Variants in WASL observed in about 807,000 individuals in gnomAD.
WASL encodes the protein WASP like actin nucleation promoting factor, also known as actin nucleation-promoting factor WASL.
WASL carries 20 observed loss-of-function variants against 55.5 expected under a neutral mutation model. The ratio of observed to expected loss-of-function variants is 0.36; its 90% CI spans 0.25 to 0.52. The LOEUF is 0.52. WASL is among the 20% of genes least tolerant of loss of function. The probability of loss-of-function intolerance (pLI) is 0.92; values close to 1 mark genes in which losing one functional copy is unlikely to be tolerated. For synonymous variants in WASL, 249 were observed against 217.6 expected, an observed-to-expected ratio of 1.14 and a Z score of -1.27; for missense variants, 504 against 622.5, an observed-to-expected ratio of 0.81 and a Z score of 2.03.
intron 8 of WASL, 60 bp from the exon 9 acceptor site, chr7:123,692,927 A>G: frequency 7.5e-7 from 1 of 1,326,308 alleles, no homozygotes; most frequent in Non-Finnish European, 9.6e-7. Context: ...CATCATATTG[A>G]AAAGTAATTC....
intron 9 of WASL, among the ~76,000 whole-genome samples, chr7:123,691,615 A>G (rs1165961589): frequency 6.6e-6 from 1 of 152,154 alleles, no homozygotes; most frequent in Non-Finnish European, 1.5e-5. Flanking sequence ...TACTGCCTAT[A>G]TAAGCCCAAG....
In WASL at chr7:123,694,721, T is replaced by G. The variant is rs1397983541; in HGVS notation, c.820A>C (p.Arg274=). 1 of 1,612,460 alleles carries G rather than the reference T, an allele frequency of 6.2e-7. No individual in the cohort carries two copies. The highest frequency in any genetic ancestry group is 1.3e-5 in the African/African-American group (1 of 74,846). ...GVEAVKNELR[R]QAPPPPPPSR... ...GAATAGAGATAAAAGTTACCTTGCCTCCGCAGTTCATTTTTAACAGCTTCA... is the reference window on the plus strand; with the variant it reads ...GAATAGAGATAAAAGTTACCTTGCCGCCGCAGTTCATTTTTAACAGCTTCA... The change falls in exon 8 of 11, where the codon AGG becomes CGG. Residue 274 remains arginine, a synonymous_variant. Coordinates refer to ENST00000223023, the MANE Select transcript of WASL (RefSeq NM_003941.4).
At chr7:123,733,459 GACT>G (rs1051821932) in intron 1 of WASL, among the ~76,000 whole-genome samples, 1 of 152,012 alleles carries the variant, frequency 6.6e-6, no homozygotes, top group African/African-American at 2.4e-5. Flanking sequence ...AGATCTATAT[GACT>G]ACAAAATTTT....
chr7:123,684,219 T>C lies in WASL; in HGVS notation c.*300A>G, dbSNP rs181689874. 1 of 159,710 alleles carries C rather than the reference T, an allele frequency of 6.3e-6. No homozygotes were observed. The highest frequency in any genetic ancestry group is 6.5e-5 in the Admixed American group (1 of 15,486). 9.9% of individuals were successfully genotyped at this position (159,710 alleles called of 1,614,324 possible). A position where few individuals can be genotyped will look rare whatever the true frequency, so the allele number is the denominator to read the frequency against. ...TTATAAGTAAATTACATTAAGGTTT[T>C]TGTCAGTCTCACATATAGTATTTAA... is the stretch of plus-strand genomic sequence containing the variant. On this transcript the variant is annotated 3_prime_UTR_variant, in exon 11 of 11. Transcript: ENST00000223023.
chr7:123,720,175 T>C (rs993526735), intron 1 of WASL: 1 of 372,016 alleles, frequency 2.7e-6, no homozygotes, highest in African/African-American at 2.1e-5. Flanking sequence ...GGTAAAGGGG[T>C]AACACACTTT....
Position 123,706,287 on chromosome 7 carries a change from T to A in WASL, c.426A>T (p.Gln142His). The change falls in exon 4 of 11, where the codon CAA (glutamine) becomes CAT (histidine). Residue 142 changes from glutamine to histidine, a missense_variant. Around this residue, in one of 5 missense-constraint regions of WASL, gnomAD observed 230 missense variants for 271.9 expected, o/e 0.85. Transcript: ENST00000223023. ...TTAAAAAAGGGTTACCAGATTTCCT[T>A]TGTCGACGGCCCAAAAGGTCTGTAA... ...KAVTDLLGRR[Q>H]RKSEKRRDPP... 1 of 1,613,430 alleles carries A rather than the reference T, an allele frequency of 6.2e-7. No individual in the cohort carries two copies. The highest frequency in any genetic ancestry group is 8.5e-7 in the Non-Finnish European group (1 of 1,179,726).
chr7:123,743,200 A>G (rs1804374691), intron 1 of WASL, among the ~76,000 whole-genome samples: 2 of 152,002 alleles, frequency 1.3e-5, no homozygotes, highest in South Asian at 4.1e-4. Context: ...AGCCAGGGGT[A>G]GTGGCACACG....
intron 5 of WASL, among the ~76,000 whole-genome samples, chr7:123,701,711 G>A (rs1218272082): frequency 6.6e-6 from 1 of 152,132 alleles, no homozygotes; most frequent in East Asian, 1.9e-4. Flanking sequence ...ACCTAGTGGT[G>A]GTGCACCAAA....
intron 5 of WASL, among the ~76,000 whole-genome samples, chr7:123,701,465 G>A (rs1414867691): frequency 1.3e-5 from 2 of 152,186 alleles, no homozygotes; most frequent in African/African-American, 4.8e-5. Context: ...AAGCAGTCAC[G>A]AAGCTGAGAA....
intron 1 of WASL, among the ~76,000 whole-genome samples, chr7:123,727,461 G>A (rs1804067125): frequency 1.3e-5 from 2 of 151,570 alleles, no homozygotes; most frequent in East Asian, 3.9e-4. Context: ...CAGAAGAACA[G>A]ACAAACAAAT....
At chr7:123,717,051 G>T (rs1803857289) in intron 1 of WASL, among the ~76,000 whole-genome samples, 1 of 152,004 alleles carries the variant, frequency 6.6e-6, no homozygotes, top group African/African-American at 2.4e-5. Context: ...CCTCCAAGAA[G>T]GATATATCCT....
Position 123,706,488 on chromosome 7 carries a change from A to C in WASL, c.340-115T>G, listed in dbSNP as rs915653921. On this transcript the variant is annotated intron_variant, in intron 3 of 10. Coordinates refer to ENST00000223023, the MANE Select transcript of WASL (RefSeq NM_003941.4). ...TAAAGAACGAAAGGTTAATTTTACT[A>C]GCAGATAAGACATTATTTTATGATC... 5 of 967,680 alleles carry C rather than the reference A, an allele frequency of 5.2e-6. No individual in the cohort carries two copies. In the African/African-American group the frequency reaches 8.3e-5, roughly 16 times the overall value. 59.9% of individuals were successfully genotyped at this position (967,680 alleles called of 1,614,324 possible).
chr7:123,731,926 C>A (rs993774228), intron 1 of WASL, among the ~76,000 whole-genome samples: 34 of 152,070 alleles, frequency 2.2e-4, no homozygotes, highest in African/African-American at 8.2e-4. Flanking sequence ...GAAATCAATG[C>A]AACTGAAAAT....
At chr7:123,693,265 A>C (rs1803442095) in intron 8 of WASL, among the ~76,000 whole-genome samples, 1 of 152,240 alleles carries the variant, frequency 6.6e-6, no homozygotes, top group Non-Finnish European at 1.5e-5. Flanking sequence ...CTCTTTAAAA[A>C]AGAATCAAGT....
Position 123,748,488 on chromosome 7 carries a change from C to T in WASL, c.117+130G>A. 5 of 877,458 alleles carry T rather than the reference C, an allele frequency of 5.7e-6. 1 individual carries two copies. The South Asian group carries it at 9.7e-5, about 17-fold the overall frequency. The allele number at this position is 877,458 out of a possible 1,614,324, so 54.4% of individuals were successfully genotyped here. The stretch of plus-strand genomic sequence containing the variant: ...CGAGGGCGCCGACGAGGGGCCGGGG[C>T]CGGGGCCGGGGCTGGCGGGAGGCCT... On this transcript the variant is annotated intron_variant, in intron 1 of 10. Coordinates refer to ENST00000223023, the MANE Select transcript of WASL (RefSeq NM_003941.4).
intron 5 of WASL, among the ~76,000 whole-genome samples, chr7:123,698,941 T>C (rs1803533190): frequency 6.6e-6 from 1 of 152,222 alleles, no homozygotes; most frequent in Admixed American, 6.5e-5. Context: ...CTTTTACTTC[T>C]CATTCTTCCC....
chr7:123,699,024 T>C (rs1803534114), intron 5 of WASL, among the ~76,000 whole-genome samples: 1 of 152,184 alleles, frequency 6.6e-6, no homozygotes, highest in Admixed American at 6.5e-5. Context: ...TGCTACAAAT[T>C]ACTTTGTTTC....
intron 3 of WASL, 75 bp from the exon 4 acceptor site, chr7:123,706,448 AAAG>A (rs1331444739): frequency 2.0e-5 from 27 of 1,351,624 alleles, no homozygotes; most frequent in Middle Eastern, 1.9e-4. Flanking sequence ...ACAATGAGGA[AAAG>A]AAGTATATTT....
Position 123,716,508 on chromosome 7 carries a change from A to C in WASL, c.118-7285T>G, listed in dbSNP as rs1428329819. Among the ~76,000 whole-genome samples the C allele has an allele frequency of 2.0e-5, 3 of 151,998 alleles. No homozygotes were observed. In the East Asian group the frequency reaches 5.8e-4, roughly 30 times the overall value. On this transcript the variant is annotated intron_variant, in intron 1 of 10. Transcript: ENST00000223023. ...GGCGATCTGCTTGCCTCACCCTCCCAAAGTGCTGGGATTACAGGCGTGAGC... is the reference window on the plus strand; with the variant it reads ...GGCGATCTGCTTGCCTCACCCTCCCCAAGTGCTGGGATTACAGGCGTGAGC...
Sources: allele counts gnomAD v4.1 joint callset (sites outside exome capture counted in the v4.1 genomes callset), GRCh38; gene constraint gnomAD v4.1.1; regional missense constraint gnomAD v4.1.1; transcripts MANE v1.5; gene names NCBI Gene and HGNC (gene_info 2026-07-23, HGNC 2026-07-21).